Variants in VAV2 observed in about 807,000 individuals in gnomAD.
VAV2 encodes the protein guanine nucleotide exchange factor VAV2.
VAV2 carries 67 observed loss-of-function variants against 132.5 expected under a neutral mutation model. That is an observed-to-expected ratio of 0.51 (90% CI 0.42 to 0.62). The LOEUF (loss-of-function observed/expected upper bound fraction) is 0.62, where lower values mean the gene tolerates loss of function less well. Ranked by LOEUF, VAV2 falls within the 20% of genes least tolerant of loss-of-function variation. The pLI is 0.00. For missense variants in VAV2, 938 were observed against 1,153.6 expected, an observed-to-expected ratio of 0.81 and a Z score of 2.71; for synonymous variants, 492 against 443.5, an observed-to-expected ratio of 1.11 and a Z score of -1.37.
intron 3 of VAV2, 185 bp downstream of exon 3, chr9:133,861,189 A>C: frequency 1.8e-6 from 1 of 566,340 alleles, no homozygotes; most frequent in Non-Finnish European, 2.9e-6. Flanking sequence ...GTGTGAGCTG[A>C]AGCCTCCCGC....
At chr9:133,785,384 A>T (rs2488562) in intron 17 of VAV2, among the ~76,000 whole-genome samples, 1 of 152,194 alleles carries the variant, frequency 6.6e-6, no homozygotes, top group African/African-American at 2.4e-5. Context: ...AAAACAGGTG[A>T]CAAGCCGCCA....
At chr9:133,972,243 A>G (rs1464695145) in intron 1 of VAV2, among the ~76,000 whole-genome samples, 1 of 152,232 alleles carries the variant, frequency 6.6e-6, no homozygotes, top group Non-Finnish European at 1.5e-5. Context: ...TTTCACTCCC[A>G]GATAAGGCAC....
intron 2 of VAV2, among the ~76,000 whole-genome samples, chr9:133,936,780 G>A (rs939230756): frequency 2.6e-5 from 4 of 151,988 alleles, no homozygotes; most frequent in East Asian, 3.9e-4. Context: ...GTCCAAACCC[G>A]CCGTCTACTC....
At chr9:133,861,061 T>C (rs941727655) in intron 3 of VAV2, among the ~76,000 whole-genome samples, 7 of 152,232 alleles carry the variant, frequency 4.6e-5, no homozygotes, top group Non-Finnish European at 1.5e-5. Flanking sequence ...CCGGTTCTGA[T>C]GTGTGGAGAG....
intron 16 of VAV2, among the ~76,000 whole-genome samples, chr9:133,786,206 C>T (rs545358596): frequency 3.3e-4 from 50 of 152,356 alleles, no homozygotes; most frequent in Admixed American, 2.7e-3. Context: ...TGTGCCTGCA[C>T]GCGTGTCTAT....
intron 1 of VAV2, among the ~76,000 whole-genome samples, chr9:133,942,706 G>A (rs2132149370): frequency 6.6e-6 from 1 of 152,320 alleles, no homozygotes; most frequent in African/African-American, 2.4e-5. Flanking sequence ...CACAGGATGG[G>A]CCCAGCGCAC....
chr9:133,867,945 G>A (rs1837871888), intron 2 of VAV2, among the ~76,000 whole-genome samples: 1 of 152,216 alleles, frequency 6.6e-6, no homozygotes, highest in African/African-American at 2.4e-5. Flanking sequence ...ACCGCCTACA[G>A]GAATTGCTCA....
intron 2 of VAV2, among the ~76,000 whole-genome samples, chr9:133,865,020 C>T (rs1387898037): frequency 6.6e-6 from 1 of 152,260 alleles, no homozygotes; most frequent in African/African-American, 2.4e-5. Context: ...AAATGCAAAG[C>T]TCTATGCTGC....
At chr9:133,894,731 AC>A (rs1185061407) in intron 2 of VAV2, among the ~76,000 whole-genome samples, 2 of 152,104 alleles carry the variant, frequency 1.3e-5, no homozygotes, top group Admixed American at 6.5e-5. Context: ...AACACAGGGC[AC>A]CCCAAGAGGC....
At chr9:133,839,923 C>T (rs1836650090) in intron 3 of VAV2, among the ~76,000 whole-genome samples, 1 of 152,192 alleles carries the variant, frequency 6.6e-6, no homozygotes, top group Non-Finnish European at 1.5e-5. Flanking sequence ...AACTTAAAGC[C>T]CAGTGGGGGT....
chr9:133,907,882 C>G, intron 2 of VAV2, among the ~76,000 whole-genome samples: 1 of 148,338 alleles, frequency 6.7e-6, no homozygotes. Context: ...ACCGCCCTCC[C>G]CCAGAGAGTG....
chr9:133,966,725 T>A (rs4744542), intron 1 of VAV2, among the ~76,000 whole-genome samples: 49,905 of 147,652 alleles, frequency 0.34, 8,369 homozygotes, highest in Admixed American at 0.38. Flanking sequence ...TTTAAAACTT[T>A]AAAAAAAAAA....
intron 2 of VAV2, among the ~76,000 whole-genome samples, chr9:133,930,087 G>A (rs1057132391): frequency 6.6e-5 from 10 of 152,178 alleles, no homozygotes; most frequent in African/African-American, 1.9e-4. Flanking sequence ...CTGCACTGAC[G>A]CCGTCAGCAC....
In VAV2 at chr9:133,861,024, C is replaced by T. The variant is rs1252524283; in HGVS notation, c.380+350G>A. ...CCGGCGCCATCCCTGCAAACAGACC[C>T]CAGCTACCTCATTCTCGGCACAGCC... is the stretch of plus-strand genomic sequence containing the variant. On this transcript the variant is annotated intron_variant, in intron 3 of 29. Coordinates refer to ENST00000371850, the MANE Select transcript of VAV2 (RefSeq NM_001134398.2). 4.6e-5 allele frequency among the ~76,000 whole-genome samples: 7 copies of T among 152,238 alleles called. No individual in the cohort carries two copies. In the South Asian group the frequency reaches 8.3e-4, roughly 18 times the overall value.
At chr9:133,944,485 G>T (rs977003721) in intron 1 of VAV2, among the ~76,000 whole-genome samples, 2 of 152,216 alleles carry the variant, frequency 1.3e-5, no homozygotes, top group Non-Finnish European at 1.5e-5. Flanking sequence ...TGGTGATGGA[G>T]TAATAGCAGA....
At chr9:133,973,255 G>A (rs1477383090) in intron 1 of VAV2, among the ~76,000 whole-genome samples, 3 of 152,188 alleles carry the variant, frequency 2.0e-5, no homozygotes, top group Non-Finnish European at 4.4e-5. Context: ...AGCCCGCCCA[G>A]AGCGTCAACC....
rs2810511 is a variant in VAV2 at position 133,926,419 on chromosome 9, C to G, written c.321+12684G>C. ...GGTGCTAAGTTATTATTACTAATTC[C>G]AACAACCTGGCTTGCAGCTTTAGAT... On this transcript the variant is annotated intron_variant, in intron 2 of 29. Transcript: ENST00000371850. The surrounding 1 kb of genome is among the most constrained non-coding windows in gnomAD (Gnocchi z 4.3). The G allele has an allele frequency of 0.87, 132,575 of 152,270 alleles. 58,644 individuals are homozygous for G. Among genetic ancestry groups the G allele is most frequent in the East Asian group, 0.97 (5,020 of 5,186 alleles). The allele number at this position is 152,270 out of a possible 1,614,324, so 9.4% of individuals were successfully genotyped here.
chr9:133,990,054 C>A (rs1842968635), intron 1 of VAV2, among the ~76,000 whole-genome samples: 1 of 152,214 alleles, frequency 6.6e-6, no homozygotes, highest in African/African-American at 2.4e-5. Flanking sequence ...TACGAGGGGA[C>A]TGCTATGACT....
Position 133,928,790 on chromosome 9 carries a change from C to T in VAV2, c.321+10313G>A, listed in dbSNP as rs917393945. Among the ~76,000 whole-genome samples, 3 of 152,150 alleles carry T rather than the reference C, an allele frequency of 2.0e-5. No homozygotes were observed. Among genetic ancestry groups the T allele is most frequent in the African/African-American group, 4.8e-5 (2 of 41,422 alleles). ...GGAGAAATCAATGACATGGCTGAGA[C>T]GGCATCTGGATACACTTGTCCAGCC... On this transcript the variant is annotated intron_variant, in intron 2 of 29. Coordinates refer to ENST00000371850, the MANE Select transcript of VAV2 (RefSeq NM_001134398.2). The surrounding 1 kb of genome is among the most constrained non-coding windows in gnomAD (Gnocchi z 5.4).
Sources: gnomAD v4.1 joint callset for allele counts (sites outside exome capture counted in the v4.1 genomes callset) on GRCh38, gnomAD v4.1.1 for gene constraint, Gnocchi (gnomAD v3.1) non-coding constraint, MANE v1.5 for transcripts, NCBI Gene and HGNC (gene_info 2026-07-23, HGNC 2026-07-21) for gene names.